Variants in DNAH11 observed in about 807,000 individuals in gnomAD.
DNAH11 encodes axonemal beta dynein heavy chain 11.
DNAH11 carries 442 observed loss-of-function variants against 526.0 expected under a neutral mutation model. The ratio of observed to expected loss-of-function variants is 0.84; its 90% CI spans 0.78 to 0.91. DNAH11 has a LOEUF of 0.91. Among genes scored for constraint, DNAH11 ranks in the 40% least tolerant of loss-of-function variants. DNAH11 has a pLI of 0.00. For missense variants in DNAH11, 6,989 were observed against 5,448.7 expected, an observed-to-expected ratio of 1.28 and a Z score of -8.90; for synonymous variants, 2,461 against 1,935.9, an observed-to-expected ratio of 1.27 and a Z score of -7.12.
intron 65 of DNAH11, among the ~76,000 whole-genome samples, chr7:21,828,873 G>A (rs79125765): frequency 0.013 from 1,977 of 151,716 alleles, 20 homozygotes; most frequent in Middle Eastern, 0.027. Flanking sequence ...TTAGAAGGGC[G>A]TGTTGGTTAT....
chr7:21,798,384 C>G (rs2127992121), intron 61 of DNAH11, among the ~76,000 whole-genome samples: 1 of 152,356 alleles, frequency 6.6e-6, no homozygotes, highest in African/African-American at 2.4e-5. Context: ...GCATGAGCCA[C>G]TGTGCCTGGC....
At chr7:21,893,292 C>G (rs1398740661) in intron 77 of DNAH11, among the ~76,000 whole-genome samples, 2 of 152,326 alleles carry the variant, frequency 1.3e-5, no homozygotes, top group South Asian at 2.1e-4. Flanking sequence ...CAGTTACTTT[C>G]CCACCAGCAG....
intron 81 of DNAH11, 110 bp downstream of exon 81, chr7:21,900,230 A>ATG: frequency 8.5e-7 from 1 of 1,173,102 alleles, no homozygotes; most frequent in African/African-American, 1.5e-5. Context: ...CAGTAACCTT[A>ATG]TGCTAGTCAT....
At chr7:21,818,436 A>G in intron 65 of DNAH11, 97 bp downstream of exon 65, 10 of 1,383,616 alleles carry the variant, frequency 7.2e-6, no homozygotes, top group Non-Finnish European at 9.8e-6. Context: ...TTGAAATCTT[A>G]GTGATATTTC....
Position 21,591,271 on chromosome 7 carries a change from T to A in DNAH11, c.2361T>A (p.Asp787Glu). 1 of 1,609,124 alleles carries A rather than the reference T, an allele frequency of 6.2e-7. No individual in the cohort carries two copies. The highest frequency in any genetic ancestry group is 8.5e-7 in the Non-Finnish European group (1 of 1,177,302). The stretch of plus-strand genomic sequence containing the variant: ...AAGTTGAATACCCTCTGATTGAAGA[T>A]GAGCTGAGGGCTATTGACGAGCAGC... ...LLEVEYPLIEDELRAIDEQLT... is the reference protein window; with the variant it reads ...LLEVEYPLIEEELRAIDEQLT... Residue 787 changes from aspartate (D) to glutamate (E), a missense_variant, in exon 14 of 82, where the codon GAT becomes GAA. Asp to Glu is a conservative substitution (Grantham distance 45, BLOSUM62 2). Transcript: ENST00000409508.
intron 80 of DNAH11, 67 bp downstream of exon 80, chr7:21,899,515 G>A (rs934317266): frequency 2.4e-4 from 304 of 1,272,576 alleles, no homozygotes; most frequent in Non-Finnish European, 3.2e-4. Context: ...GCCCTGCTTT[G>A]TTTACCTATG....
At chr7:21,720,593 TCCCAA>T in intron 43 of DNAH11, 127 bp from the exon 44 acceptor site, 1 of 1,048,294 alleles carries the variant, frequency 9.5e-7, no homozygotes, top group African/African-American at 1.6e-5. Flanking sequence ...TTTTTGTCTC[TCCCAA>T]TGTAGCAAAT....
intron 28 of DNAH11, among the ~76,000 whole-genome samples, chr7:21,641,412 G>A (rs2128460998): frequency 6.6e-6 from 1 of 152,204 alleles, no homozygotes; most frequent in African/African-American, 2.4e-5. Context: ...AGAGGAGGGT[G>A]GGGTATTGAG....
intron 57 of DNAH11, among the ~76,000 whole-genome samples, chr7:21,782,117 G>A (rs1167785858): frequency 6.6e-6 from 1 of 152,176 alleles, no homozygotes; most frequent in Admixed American, 6.6e-5. Context: ...CTCATAACAA[G>A]CAGTTATTGG....
intron 2 of DNAH11, among the ~76,000 whole-genome samples, chr7:21,548,314 C>A (rs994194447): frequency 2.6e-5 from 4 of 152,136 alleles, no homozygotes; most frequent in African/African-American, 9.7e-5. Flanking sequence ...TGGCTAGCCA[C>A]CCCTTTGAGG....
intron 8 of DNAH11, among the ~76,000 whole-genome samples, chr7:21,573,147 T>C (rs970612792): frequency 1.6e-4 from 24 of 152,216 alleles, no homozygotes; most frequent in Admixed American, 1.5e-3. Context: ...CCAGGTTTAA[T>C]TGACGTCACT....
At chr7:21,689,423 T>C (rs570753001) in intron 34 of DNAH11, among the ~76,000 whole-genome samples, 2 of 152,308 alleles carry the variant, frequency 1.3e-5, no homozygotes, top group South Asian at 4.1e-4. Context: ...CCTTCTTGAC[T>C]TCATGAGCTT....
intron 28 of DNAH11, among the ~76,000 whole-genome samples, chr7:21,651,244 C>T (rs1007941569): frequency 7.9e-5 from 12 of 152,146 alleles, no homozygotes; most frequent in African/African-American, 2.2e-4. Context: ...TAAGCGGCAG[C>T]AGCATCTTTA....
At chr7:21,739,392 A>G (rs1037022696) in intron 47 of DNAH11, among the ~76,000 whole-genome samples, 179 bp from the exon 48 acceptor site, 4 of 152,180 alleles carry the variant, frequency 2.6e-5, no homozygotes, top group South Asian at 4.1e-4. Flanking sequence ...AGCTAAGTCA[A>G]CTTCAGTTTT....
rs1422901418 is a variant in DNAH11, at chr7:21,687,405, A to G, written c.5802A>G (p.Gly1934=). 27 of 1,613,370 alleles carry G rather than the reference A, an allele frequency of 1.7e-5. No individual in the cohort carries two copies. The highest frequency in any genetic ancestry group is 2.2e-5 in the Non-Finnish European group (26 of 1,179,762). Residue 1934 remains glycine, a synonymous_variant, in exon 34 of 82, where the codon GGA becomes GGG. Transcript: ENST00000409508. ...DYKSIGNIYK[G]LVQTGAWGCF... ...AGTCCATAGGCAATATCTATAAGGG[A>G]TTGGTGCAGACAGGAGCTTGGGGCT...
chr7:21,655,909 C>G lies in DNAH11; in HGVS notation c.5022C>G (p.His1674Gln). 6.2e-7 allele frequency: 1 copy of G among 1,613,314 alleles called. No homozygotes were observed. The highest frequency in any genetic ancestry group is 8.5e-7 in the Non-Finnish European group (1 of 1,179,542). Residue 1674 changes from histidine to glutamine, a missense_variant, in exon 29 of 82, where the codon CAC becomes CAG. By Grantham distance (24) the His-to-Gln change is conservative. Coordinates refer to ENST00000409508, the MANE Select transcript of DNAH11 (RefSeq NM_001277115.2). Reference sequence around the variant, plus strand: ...AAGACAATCAGGATGTTTCTGCACACAGGGCAGTTGGAATGTACAGCAAAG... The same window carrying G: ...AAGACAATCAGGATGTTTCTGCACAGAGGGCAGTTGGAATGTACAGCAAAG... Reference protein sequence around the residue: ...QFEDNQDVSAHRAVGMYSKEK... With the variant: ...QFEDNQDVSAQRAVGMYSKEK...
rs1432241258 is a variant in DNAH11, at chr7:21,710,479, A to G, written c.6684-74A>G. On this transcript the variant is annotated intron_variant, in intron 40 of 81. Coordinates refer to ENST00000409508, the MANE Select transcript of DNAH11 (RefSeq NM_001277115.2). Reference sequence around the variant, plus strand: ...CAGCAAAATCGTTTTTATTTAGTTAATAAAAGAGCTTCCAAGATGAATAAT... The same window carrying G: ...CAGCAAAATCGTTTTTATTTAGTTAGTAAAAGAGCTTCCAAGATGAATAAT... The G allele has an allele frequency of 8.6e-6, 12 of 1,396,450 alleles. No individual in the cohort carries two copies. In the East Asian group the frequency reaches 1.5e-4, roughly 17 times the overall value. The allele number at this position is 1,396,450 out of a possible 1,614,324, so 86.5% of individuals were successfully genotyped here. A position where few individuals can be genotyped will look rare whatever the true frequency, so the allele number is the denominator to read the frequency against.
chr7:21,563,294 G>A (rs779353502), intron 5 of DNAH11, among the ~76,000 whole-genome samples: 1 of 151,014 alleles, frequency 6.6e-6, no homozygotes, highest in Middle Eastern at 3.4e-3. Flanking sequence ...CTGCAGCCTC[G>A]ACCTCCCAGG....
rs151232525 is a variant in DNAH11 at position 21,642,750 on chromosome 7, G to A, written c.4944+3685G>A. On this transcript the variant is annotated intron_variant, in intron 28 of 81. Transcript: ENST00000409508. ...TCCATTTAAGAGTGTTGGTCCAAGT[G>A]AGAGTTTCTGCAGTTAATTGTGGAA... Among the ~76,000 whole-genome samples the A allele has an allele frequency of 8.0e-4, 122 of 152,250 alleles. 1 individual carries two copies. The highest frequency in any genetic ancestry group is 2.9e-3 in the African/African-American group (121 of 41,538).
Sources: allele counts gnomAD v4.1 joint callset (sites outside exome capture counted in the v4.1 genomes callset), GRCh38; gene constraint gnomAD v4.1.1; transcripts MANE v1.5; gene names NCBI Gene and HGNC (gene_info 2026-07-23, HGNC 2026-07-21).